CDCA7L: variants seen among roughly 807,000 people sequenced by gnomAD.
CDCA7L encodes the protein cell division cycle associated 7 like.
A neutral mutation model predicts 57.4 loss-of-function variants in CDCA7L; 44 were observed. That is an observed-to-expected ratio of 0.77 (90% CI 0.60 to 0.98). The LOEUF (loss-of-function observed/expected upper bound fraction) is 0.98. Among genes scored for constraint, CDCA7L ranks in the 50% least tolerant of loss-of-function variants. CDCA7L has a pLI of 0.00. For synonymous variants in CDCA7L, 236 were observed against 202.8 expected (o/e 1.16, Z -1.39); for missense variants, 644 against 580.6 (o/e 1.11, Z -1.12).
chr7:21,903,578 C>A (rs1007184573), intron 8 of CDCA7L, among the ~76,000 whole-genome samples: 8 of 146,310 alleles, frequency 5.5e-5, no homozygotes, highest in African/African-American at 2.0e-4. Context: ...AGGTCACACT[C>A]GGGAGCAGGA....
chr7:21,904,208 A>C lies in CDCA7L; in HGVS notation c.1099T>G (p.Cys367Gly). 1 of 1,613,504 alleles carries C rather than the reference A, an allele frequency of 6.2e-7. No individual in the cohort carries two copies. Among genetic ancestry groups the C allele is most frequent in the East Asian group, 2.2e-5 (1 of 44,838 alleles). ...ACACCACAGCAACCCTGGTTCCGAC[A>C]CACTGTCTTGGTGTCGATGGTCTTT... ...RQKTIDTKTV[C>G]RNQGCCGVRG... is the part of the protein sequence containing the mutation. Residue 367 changes from cysteine (C) to glycine (G), a missense_variant, in exon 8 of 10, where the codon TGT becomes GGT. Physicochemically the swap from Cys to Gly is radical, Grantham distance 159. Coordinates refer to ENST00000406877, the MANE Select transcript of CDCA7L (RefSeq NM_018719.5).
rs557286550 is a variant in CDCA7L at position 21,911,006 on chromosome 7, A to ATT, written c.303+609_303+610dup. On this transcript the variant is annotated intron_variant, in intron 3 of 9. Coordinates refer to ENST00000406877, the MANE Select transcript of CDCA7L (RefSeq NM_018719.5). ...AGAGGTTTAAGGAACTCTTGAGATA[A>ATT]TTTTTTTTTTTTTTTTTTTTTTTTT... is the stretch of plus-strand genomic sequence containing the variant. 1.6e-3 allele frequency among the ~76,000 whole-genome samples: 132 copies of ATT among 82,520 alleles called. 15 individuals carry two copies. The highest frequency in any genetic ancestry group is 5.3e-3 in the African/African-American group (89 of 16,884). The allele number at this position is 82,520 out of a possible 152,430, so 54.1% of individuals were successfully genotyped here.
At chr7:21,937,900 T>C (rs141836168) in intron 1 of CDCA7L, among the ~76,000 whole-genome samples, 76 of 152,298 alleles carry the variant, frequency 5.0e-4, no homozygotes, top group African/African-American at 1.7e-3. Context: ...GTTGGACCCT[T>C]ACCTTAAGCC....
At chr7:21,928,760 G>A (rs1174816503) in intron 1 of CDCA7L, among the ~76,000 whole-genome samples, 1 of 151,824 alleles carries the variant, frequency 6.6e-6, no homozygotes, top group Admixed American at 6.6e-5. Flanking sequence ...GAGAAAAAAA[G>A]AGTGAAAAAG....
At position 21,908,129 on chromosome 7, in the gene CDCA7L, C is replaced by A; in HGVS notation, c.681+1G>T. On this transcript the variant is annotated splice_donor_variant, in intron 4 of 9. Coordinates refer to ENST00000406877, the MANE Select transcript of CDCA7L (RefSeq NM_018719.5). LOFTEE classifies it high-confidence loss of function. ...CCAGGACGCCCTCCGTGAAGCCTCA[C>A]CATGGCTTTGTTCTCCTTGATGTTC... 1 of 1,531,644 alleles carries A rather than the reference C, an allele frequency of 6.5e-7. No individual in the cohort carries two copies. Among genetic ancestry groups the A allele is most frequent in the East Asian group, 2.3e-5 (1 of 43,474 alleles). The allele number at this position is 1,531,644 out of a possible 1,614,324, so 94.9% of individuals were successfully genotyped here.
rs201160995 is a variant in CDCA7L, at chr7:21,908,502, C to T, written c.309G>A (p.Val103=). Residue 103 remains valine, a synonymous_variant, in exon 4 of 10, where the codon GTG becomes GTA. Transcript: ENST00000406877. ...NGKTNPEVMV[V]ESDLSDDGKA... is the part of the protein sequence containing the mutation. ...TGCCATCATCACTCAAATCTGACTC[C>T]ACGACCTAATAAAATAAGAGCAAGA... 969 of 1,517,212 alleles carry T rather than the reference C, an allele frequency of 6.4e-4. 17 individuals carry two copies. The South Asian group carries it at 0.012, about 19-fold the overall frequency. The allele number at this position is 1,517,212 out of a possible 1,614,324, so 94.0% of individuals were successfully genotyped here. A position where few individuals can be genotyped will look rare whatever the true frequency, so the allele number is the denominator to read the frequency against.
At chr7:21,902,575 TTTA>T (rs1784956992) in intron 9 of CDCA7L, 3 of 581,972 alleles carry the variant, frequency 5.2e-6, no homozygotes, top group Admixed American at 6.0e-5. Flanking sequence ...CGATTCAGAG[TTTA>T]TTAATTACAT....
At chr7:21,905,393 G>T in intron 7 of CDCA7L, 113 bp downstream of exon 7, 1 of 1,214,158 alleles carries the variant, frequency 8.2e-7, no homozygotes, top group Non-Finnish European at 1.2e-6. Context: ...TCAGAGCCTG[G>T]CTCTGAGCCC....
intron 1 of CDCA7L, among the ~76,000 whole-genome samples, chr7:21,921,393 C>A (rs138204586): frequency 1.6e-3 from 233 of 142,528 alleles, no homozygotes; most frequent in Non-Finnish European, 2.5e-3. Flanking sequence ...ATGCAACGAA[C>A]TGATTTGTCT....
intron 9 of CDCA7L, 106 bp from the exon 10 acceptor site, chr7:21,902,458 G>A (rs890528813): frequency 3.7e-6 from 4 of 1,083,460 alleles, no homozygotes; most frequent in Non-Finnish European, 5.7e-6. Flanking sequence ...CCAGAACCCA[G>A]ATCTCCTGAC....
intron 1 of CDCA7L, among the ~76,000 whole-genome samples, chr7:21,931,211 G>A (rs1359903919): frequency 6.6e-6 from 1 of 152,150 alleles, no homozygotes; most frequent in Non-Finnish European, 1.5e-5. Flanking sequence ...AAGAGGAGCT[G>A]GTACCATTCC....
chr7:21,901,024 C>G lies in CDCA7L; in HGVS notation c.*1298G>C, dbSNP rs1261703349. On this transcript the variant is annotated 3_prime_UTR_variant, in exon 10 of 10. Coordinates refer to ENST00000406877, the MANE Select transcript of CDCA7L (RefSeq NM_018719.5). ...TGCCATAGGCGCCCGCTGGGACACC[C>G]AAGCAGGAACCATTGTTGAAGCCCG... The G allele has an allele frequency of 1.2e-6, 2 of 1,606,166 alleles. No homozygotes were observed. Among genetic ancestry groups the G allele is most frequent in the Admixed American group, 1.7e-5 (1 of 58,744 alleles).
intron 1 of CDCA7L, among the ~76,000 whole-genome samples, chr7:21,930,120 C>G (rs966711649): frequency 9.6e-6 from 1 of 103,804 alleles, no homozygotes; most frequent in South Asian, 3.6e-4. Flanking sequence ...CAAACAGTCT[C>G]TCAGACCAAG....
In CDCA7L at chr7:21,906,434, G is replaced by A; in HGVS notation, c.776C>T (p.Ala259Val). ...CCGCGTGATCTGTCCCTCCGAGAAG[G>A]CCCGCCTCACTGTCTTCTTCCTCTG... ...SASRKKTVRR[A>V]FSEGQITRRM... Residue 259 changes from alanine to valine, a missense_variant, in exon 6 of 10, where the codon GCC becomes GTC. Ala to Val is a moderately conservative substitution (Grantham distance 64, BLOSUM62 0). Transcript: ENST00000406877. The A allele has an allele frequency of 6.2e-7, 1 of 1,610,664 alleles. No individual in the cohort carries two copies. The highest frequency in any genetic ancestry group is 8.5e-7 in the Non-Finnish European group (1 of 1,178,002).
At chr7:21,935,370 T>C (rs1786130463) in intron 1 of CDCA7L, among the ~76,000 whole-genome samples, 1 of 151,938 alleles carries the variant, frequency 6.6e-6, no homozygotes, top group African/African-American at 2.4e-5. Context: ...TACCAAAATA[T>C]ATGGGATGCA....
chr7:21,931,579 G>A (rs563774759), intron 1 of CDCA7L, among the ~76,000 whole-genome samples: 35 of 152,178 alleles, frequency 2.3e-4, no homozygotes, highest in African/African-American at 7.0e-4. Flanking sequence ...ATTCAACACC[G>A]ATTCCTGCTA....
intron 1 of CDCA7L, among the ~76,000 whole-genome samples, chr7:21,928,153 G>A (rs376248284): frequency 7.9e-5 from 12 of 152,054 alleles, no homozygotes; most frequent in African/African-American, 2.4e-4. Context: ...CTGCAACCTC[G>A]CAAACGGTCT....
At position 21,901,090 on chromosome 7, in the gene CDCA7L, AAAGCCACCCCCGTG is replaced by A; in HGVS notation, c.*1218_*1231del. ...ATGCCCTATGCCGGTCATCTTTGCAAAAGCCACCCCCGTGGACAGACAAGAAACCAAACAGACCT... is the reference window on the plus strand; with the variant it reads ...ATGCCCTATGCCGGTCATCTTTGCAAGACAGACAAGAAACCAAACAGACCT... On this transcript the variant is annotated 3_prime_UTR_variant, in exon 10 of 10. Coordinates refer to ENST00000406877, the MANE Select transcript of CDCA7L (RefSeq NM_018719.5). 6.2e-7 allele frequency: 1 copy of A among 1,613,936 alleles called. No homozygotes were observed. The highest frequency in any genetic ancestry group is 8.5e-7 in the Non-Finnish European group (1 of 1,179,854).
At position 21,902,502 on chromosome 7, in the gene CDCA7L, C is replaced by T. The variant is rs6965583; in HGVS notation, c.1335-150G>A. 6,316 of 737,802 alleles carry T rather than the reference C, an allele frequency of 8.6e-3. 98 individuals are homozygous for T. Among genetic ancestry groups the T allele is most frequent in the African/African-American group, 0.058 (3,358 of 58,182 alleles). The allele number at this position is 737,802 out of a possible 1,614,324, so 45.7% of individuals were successfully genotyped here. ...TCCTGACAATTTATGCATCAATATC[C>T]GTATACCCTCTGGTGTAGTACGCCC... On this transcript the variant is annotated intron_variant, in intron 9 of 9. Transcript: ENST00000406877.
Sources: gnomAD v4.1 joint callset for allele counts (sites outside exome capture counted in the v4.1 genomes callset) on GRCh38, gnomAD v4.1.1 for gene constraint, MANE v1.5 for transcripts, NCBI Gene and HGNC (gene_info 2026-07-23, HGNC 2026-07-21) for gene names.